The following SLC37A2 variants were observed in gnomAD, a reference collection of about 807,000 sequenced individuals.
The protein encoded by SLC37A2 is glucose-6-phosphate exchanger SLC37A2.
Under a neutral mutation model 70.7 loss-of-function variants are expected in SLC37A2, and 59 were observed. The ratio of observed to expected loss-of-function variants is 0.83; its 90% CI spans 0.68 to 1.04. The LOEUF is 1.04. Ranked by LOEUF, SLC37A2 falls within the 50% of genes least tolerant of loss-of-function variation. SLC37A2 has a pLI of 0.00. For synonymous variants in SLC37A2, 257 were observed against 262.1 expected, an observed-to-expected ratio of 0.98 and a Z score of 0.19; for missense variants, 580 against 658.1, an observed-to-expected ratio of 0.88 and a Z score of 1.30.
intron 5 of SLC37A2, 128 bp downstream of exon 5, chr11:125,079,375 T>G: frequency 8.1e-7 from 1 of 1,236,384 alleles, no homozygotes; most frequent in Middle Eastern, 2.8e-4. Flanking sequence ...TACACTGCAC[T>G]GAGTTCTACC....
chr11:125,080,786 T>C lies in SLC37A2; in HGVS notation c.694+6T>C. The C allele has an allele frequency of 6.9e-7, 1 of 1,459,346 alleles. No individual in the cohort carries two copies. The highest frequency in any genetic ancestry group is 1.5e-5 in the South Asian group (1 of 67,268). The allele number at this position is 1,459,346 out of a possible 1,614,324, so 90.4% of individuals were successfully genotyped here. On this transcript the variant is annotated splice_donor_region_variant and intron_variant, in intron 7 of 17. Transcript: ENST00000403796. This position sits in a 1 kb window ranked among gnomAD's most constrained non-coding sequence, Gnocchi z 4.3. Reference sequence around the variant, plus strand: ...CTTCCTCTTCCTCATCGAACGTGAGTGGGCCCCTCACTCCCCACAAGTGAG... The same window carrying C: ...CTTCCTCTTCCTCATCGAACGTGAGCGGGCCCCTCACTCCCCACAAGTGAG...
intron 1 of SLC37A2, among the ~76,000 whole-genome samples, chr11:125,069,265 G>T (rs1427133703): frequency 6.6e-6 from 1 of 152,218 alleles, no homozygotes; most frequent in Non-Finnish European, 1.5e-5. Context: ...CCACACAGCT[G>T]ATAAATGACT....
intron 17 of SLC37A2, 170 bp from the exon 18 acceptor site, chr11:125,087,949 C>G: frequency 1.4e-6 from 1 of 709,432 alleles, no homozygotes; most frequent in Non-Finnish European, 2.4e-6. Flanking sequence ...AAATATTAAT[C>G]TAGCTTGCTA....
intron 8 of SLC37A2, 143 bp from the exon 9 acceptor site, chr11:125,081,611 T>C: frequency 7.2e-7 from 1 of 1,384,314 alleles, no homozygotes; most frequent in Non-Finnish European, 9.8e-7. Context: ...TACAGCCTGA[T>C]GAGTCTGGCA....
In SLC37A2 at chr11:125,086,223, C is replaced by T. The variant is rs143291142; in HGVS notation, c.1490+205C>T. 1.1e-4 allele frequency: 171 copies of T among 1,613,086 alleles called. No individual in the cohort carries two copies. Among genetic ancestry groups the T allele is most frequent in the Non-Finnish European group, 1.4e-4 (167 of 1,179,134 alleles). On this transcript the variant is annotated intron_variant, in intron 17 of 17. Transcript: ENST00000403796. ...CTATAGCTCTAGTATGGTCCTAACC[C>T]ACCAGTGATAGTATTTTCCTCAAGT...
chr11:125,077,604 G>C, intron 4 of SLC37A2, 76 bp downstream of exon 4: 1 of 1,188,454 alleles, frequency 8.4e-7, no homozygotes, highest in Non-Finnish European at 1.2e-6. Context: ...GAACCTGGGG[G>C]CAGCTGGGAA....
intron 17 of SLC37A2, 98 bp downstream of exon 17, chr11:125,086,116 C>G: frequency 6.5e-7 from 1 of 1,532,636 alleles, no homozygotes; most frequent in Non-Finnish European, 9.0e-7. Context: ...GAGGCTCGAC[C>G]AGCCCAGACC....
intron 4 of SLC37A2, 143 bp downstream of exon 4, chr11:125,077,671 G>A (rs1458797094): frequency 3.5e-5 from 22 of 630,230 alleles, no homozygotes; most frequent in South Asian, 2.7e-4. Context: ...TTGCCTTACC[G>A]CGGTCGCAGA....
intron 5 of SLC37A2, 152 bp downstream of exon 5, chr11:125,079,399 G>A (rs1406948948): frequency 1.2e-5 from 12 of 1,040,360 alleles, no homozygotes; most frequent in Non-Finnish European, 1.7e-5. Context: ...TGGCCCCACT[G>A]CCCCCGCATT....
chr11:125,075,502 T>G (rs2135566183), intron 1 of SLC37A2, among the ~76,000 whole-genome samples: 1 of 152,068 alleles, frequency 6.6e-6, no homozygotes, highest in East Asian at 2.0e-4. Context: ...CTGCCTGCAT[T>G]CCAGACTACA....
rs139017094 is a variant in SLC37A2 at position 125,072,613 on chromosome 11, A to T, written c.60-4144A>T. On this transcript the variant is annotated intron_variant, in intron 1 of 17. Coordinates refer to ENST00000403796, the MANE Select transcript of SLC37A2 (RefSeq NM_001145290.2). Reference sequence around the variant, plus strand: ...CCTGCTTCTCTTCTGGGACCTCTTGATTCACGAGGGAAGGACTGGTGAGAG... The same window carrying T: ...CCTGCTTCTCTTCTGGGACCTCTTGTTTCACGAGGGAAGGACTGGTGAGAG... Among the ~76,000 whole-genome samples the T allele has an allele frequency of 2.6e-5, 4 of 152,294 alleles. No homozygotes were observed. The East Asian group carries it at 7.7e-4, about 29-fold the overall frequency.
rs1857723481 is a variant in SLC37A2, at chr11:125,090,071, GTATC to G, written c.*1940_*1943del. The G allele has an allele frequency of 1.3e-5, 2 of 152,314 alleles. No individual in the cohort carries two copies. The highest frequency in any genetic ancestry group is 1.5e-5 in the Non-Finnish European group (1 of 68,130). The allele number at this position is 152,314 out of a possible 1,614,324, so 9.4% of individuals were successfully genotyped here. A position where few individuals can be genotyped will look rare whatever the true frequency, so the allele number is the denominator to read the frequency against. On this transcript the variant is annotated 3_prime_UTR_variant, in exon 18 of 18. Transcript: ENST00000403796. ...TTGTGAGTGCACCAGTCGACACTCT[GTATC>G]TAGCTGCTCTGGTGGGGCCTCGGAG...
intron 1 of SLC37A2, among the ~76,000 whole-genome samples, chr11:125,064,286 A>T (rs2135555941): frequency 6.6e-6 from 1 of 152,304 alleles, no homozygotes; most frequent in Middle Eastern, 3.4e-3. Flanking sequence ...ACATGAGGCC[A>T]GGAGTTCGAG....
In SLC37A2 at chr11:125,071,949, G is replaced by A. The variant is rs147171188; in HGVS notation, c.60-4808G>A. On this transcript the variant is annotated intron_variant, in intron 1 of 17. Transcript: ENST00000403796. ...ATCTGCTTAGTCTCAGAACAGTCAC[G>A]TCCGAGAAGAGACTACTGAATCCAT... Among the ~76,000 whole-genome samples the A allele has an allele frequency of 1.6e-4, 24 of 152,252 alleles. No individual in the cohort carries two copies. The East Asian group carries it at 4.1e-3, about 26-fold the overall frequency.
At chr11:125,084,975 G>A (rs1949189949) in intron 13 of SLC37A2, 91 bp from the exon 14 acceptor site, 2 of 1,593,276 alleles carry the variant, frequency 1.3e-6, no homozygotes, top group African/African-American at 1.3e-5. Flanking sequence ...GGAGGGGCTG[G>A]GAGGGCTGAA....
At position 125,085,946 on chromosome 11, in the gene SLC37A2, C is replaced by G. The variant is rs1440774680; in HGVS notation, c.1426-8C>G. 12 of 1,613,846 alleles carry G rather than the reference C, an allele frequency of 7.4e-6. No homozygotes were observed. The Admixed American group carries it at 8.3e-5, about 11-fold the overall frequency. On this transcript the variant is annotated splice_region_variant and splice_polypyrimidine_tract_variant and intron_variant, in intron 16 of 17. Transcript: ENST00000403796. ...CCCTCCCTTCCCTCTGTGCCTTGTG[C>G]TCCACAGCTCCTTTGCCGGTTAGTA...
Position 125,080,809 on chromosome 11 carries a change from G to A in SLC37A2, c.694+29G>A. 7.3e-7 allele frequency: 1 copy of A among 1,364,130 alleles called. No individual in the cohort carries two copies. Among genetic ancestry groups the A allele is most frequent in the Non-Finnish European group, 9.5e-7 (1 of 1,048,020 alleles). 84.5% of individuals were successfully genotyped at this position (1,364,130 alleles called of 1,614,324 possible). ...AGTGGGCCCCTCACTCCCCACAAGT[G>A]AGCCTAGAAGTTCTCGGTTTCTGGG... is the stretch of plus-strand genomic sequence containing the variant. On this transcript the variant is annotated intron_variant, in intron 7 of 17. Transcript: ENST00000403796. The surrounding 1 kb of genome is among the most constrained non-coding windows in gnomAD (Gnocchi z 4.3).
chr11:125,086,181 G>T (rs201777607), intron 17 of SLC37A2, 163 bp downstream of exon 17: 1 of 1,607,662 alleles, frequency 6.2e-7, no homozygotes, highest in East Asian at 2.2e-5. Context: ...CCTGTCCTCT[G>T]TTGTCCCCGT....
At position 125,081,774 on chromosome 11, in the gene SLC37A2, G is replaced by A; in HGVS notation, c.753G>A (p.Gln251=). 6.2e-7 allele frequency: 1 copy of A among 1,606,984 alleles called. No individual in the cohort carries two copies. Among genetic ancestry groups the A allele is most frequent in the East Asian group, 2.2e-5 (1 of 44,788 alleles). ...PQHHGEPAEN[Q]DNPEDPGNSP... ...CTCAGGGTGAGCCAGCTGAGAACCA[G>A]GACAACCCTGAGGACCCTGGGAACA... Residue 251 remains glutamine (Q), a synonymous_variant, in exon 9 of 18, where the codon CAG becomes CAA. Transcript: ENST00000403796.
Sources: gnomAD v4.1 joint callset for allele counts (sites outside exome capture counted in the v4.1 genomes callset) on GRCh38, gnomAD v4.1.1 for gene constraint, Gnocchi (gnomAD v3.1) non-coding constraint, MANE v1.5 for transcripts, NCBI Gene and HGNC (gene_info 2026-07-23, HGNC 2026-07-21) for gene names.